AK7: variants seen among roughly 807,000 people sequenced by gnomAD.
AK7 encodes adenylate kinase 7.
Under a neutral mutation model 96.6 loss-of-function variants are expected in AK7, and 78 were observed. The observed-to-expected ratio is 0.81, with a 90% confidence interval of 0.67 to 0.97. AK7 has a LOEUF of 0.97. Among genes scored for constraint, AK7 ranks in the 50% least tolerant of loss-of-function variants. The pLI is 0.00. For synonymous variants in AK7, 302 were observed against 317.2 expected, an observed-to-expected ratio of 0.95 and a Z score of 0.51; for missense variants, 855 against 887.9, an observed-to-expected ratio of 0.96 and a Z score of 0.47.
At chr14:96,442,664 A>G in intron 6 of AK7, 66 bp from the exon 7 acceptor site, 2 of 1,221,040 alleles carry the variant, frequency 1.6e-6, no homozygotes, top group East Asian at 4.6e-5. Flanking sequence ...CTGTAGACTT[A>G]TGTGTGAGCT....
chr14:96,443,170 C>T (rs939367099), intron 7 of AK7, among the ~76,000 whole-genome samples: 3 of 152,158 alleles, frequency 2.0e-5, no homozygotes, highest in East Asian at 1.9e-4. Flanking sequence ...ATGTCTAACC[C>T]GTCAACTTAA....
intron 12 of AK7, among the ~76,000 whole-genome samples, chr14:96,468,798 T>A (rs1227268184): frequency 6.6e-6 from 1 of 152,202 alleles, no homozygotes; most frequent in African/African-American, 2.4e-5. Flanking sequence ...ATGAACATTT[T>A]AAATATTACT....
chr14:96,428,790 G>A (rs1397260030), intron 5 of AK7, among the ~76,000 whole-genome samples: 7 of 150,962 alleles, frequency 4.6e-5, no homozygotes, highest in Admixed American at 6.6e-5. Flanking sequence ...CATATCCTTC[G>A]CCCACTTTTT....
chr14:96,457,196 G>A (rs1036395529), intron 11 of AK7, among the ~76,000 whole-genome samples: 3 of 151,542 alleles, frequency 2.0e-5, no homozygotes, highest in African/African-American at 7.3e-5. Flanking sequence ...AAGTAGCTAG[G>A]ATTACAGGTG....
intron 12 of AK7, among the ~76,000 whole-genome samples, chr14:96,464,833 T>G (rs965972338): frequency 6.6e-6 from 1 of 152,136 alleles, no homozygotes; most frequent in African/African-American, 2.4e-5. Context: ...CCCTCAACCA[T>G]AAATATCTTG....
intron 10 of AK7, among the ~76,000 whole-genome samples, chr14:96,454,753 TCA>T (rs1893800833): frequency 6.6e-6 from 1 of 151,848 alleles, no homozygotes; most frequent in Non-Finnish European, 1.5e-5. Flanking sequence ...ACTATATTGC[TCA>T]GGCTCGCCTC....
intron 5 of AK7, among the ~76,000 whole-genome samples, chr14:96,436,303 A>G (rs1273875712): frequency 1.3e-5 from 2 of 152,092 alleles, no homozygotes; most frequent in African/African-American, 4.8e-5. Context: ...AATATTTGTG[A>G]GGTGAGATCA....
chr14:96,407,429 A>G (rs1183533723), intron 3 of AK7, among the ~76,000 whole-genome samples: 2 of 152,136 alleles, frequency 1.3e-5, no homozygotes, highest in Non-Finnish European at 2.9e-5. Context: ...ATACACTTAG[A>G]TCCAGGATAT....
chr14:96,429,090 G>A (rs1892196423), intron 5 of AK7, among the ~76,000 whole-genome samples: 1 of 152,096 alleles, frequency 6.6e-6, no homozygotes, highest in Non-Finnish European at 1.5e-5. Context: ...GGTTTTTATG[G>A]TTTTAGATTT....
chr14:96,414,579 A>C (rs949398797), intron 4 of AK7, among the ~76,000 whole-genome samples: 15 of 152,256 alleles, frequency 9.9e-5, no homozygotes, highest in South Asian at 2.1e-4. Flanking sequence ...GGAAGGCCAC[A>C]CATAGGAGGC....
intron 2 of AK7, among the ~76,000 whole-genome samples, chr14:96,404,279 C>T (rs1890584783): frequency 6.6e-6 from 1 of 151,702 alleles, no homozygotes; most frequent in Non-Finnish European, 1.5e-5. Context: ...TCCCGGCTGT[C>T]AACTGTAATA....
chr14:96,441,511 T>C (rs1362928597), intron 6 of AK7, among the ~76,000 whole-genome samples: 1 of 151,846 alleles, frequency 6.6e-6, no homozygotes, highest in Non-Finnish European at 1.5e-5. Flanking sequence ...TGGTGGCACA[T>C]GCTTGTGATC....
chr14:96,465,161 A>G (rs997370071), intron 12 of AK7, among the ~76,000 whole-genome samples: 2 of 152,236 alleles, frequency 1.3e-5, no homozygotes, highest in African/African-American at 2.4e-5. Context: ...GAAACACTGT[A>G]TTAAAGACCT....
In AK7 at chr14:96,472,699, A is replaced by T. The variant is rs768590519; in HGVS notation, c.1499A>T (p.Glu500Val). The T allele has an allele frequency of 2.5e-6, 4 of 1,613,030 alleles. No homozygotes were observed. The South Asian group carries it at 4.4e-5, about 18-fold the overall frequency. Residue 500 changes from glutamate (E) to valine (V), a missense_variant, in exon 14 of 18, where the codon GAG becomes GTG. By Grantham distance (121) the Glu-to-Val change is moderately radical (BLOSUM62 -2). Transcript: ENST00000267584. The part of the protein sequence containing the change: ...AKDLFNQEDE[E>V]EEDDVRGRMF... ...TTTGTTTTCTTAGAGGAAGATGAGG[A>T]GGAGGAAGATGATGTCAGAGGCAGA...
At chr14:96,458,048 G>A (rs1894030624) in intron 11 of AK7, 35 bp from the exon 12 acceptor site, 3 of 1,605,760 alleles carry the variant, frequency 1.9e-6, no homozygotes, top group African/African-American at 1.3e-5. Context: ...TGGATGTGGG[G>A]CATCATCCAA....
Position 96,488,402 on chromosome 14 carries a change from T to G in AK7, c.*59T>G. On this transcript the variant is annotated 3_prime_UTR_variant, in exon 18 of 18. Transcript: ENST00000267584. Reference sequence around the variant, plus strand: ...GAACCACAGATCACTTATTATACTTTGAAAAATTGCTTTGAAAAATGCTTT... The same window carrying G: ...GAACCACAGATCACTTATTATACTTGGAAAAATTGCTTTGAAAAATGCTTT... The G allele has an allele frequency of 6.8e-7, 1 of 1,475,656 alleles. No homozygotes were observed. The highest frequency in any genetic ancestry group is 2.2e-5 in the Admixed American group (1 of 46,298). 91.4% of individuals were successfully genotyped at this position (1,475,656 alleles called of 1,614,324 possible).
chr14:96,428,233 A>G (rs547792064), intron 5 of AK7, among the ~76,000 whole-genome samples: 8,145 of 148,044 alleles, frequency 0.055, 893 homozygotes, highest in African/African-American at 0.2. Context: ...CTGTCCTTGC[A>G]ATAGTTTGCT....
intron 6 of AK7, among the ~76,000 whole-genome samples, chr14:96,441,038 C>T (rs906989944): frequency 6.6e-6 from 1 of 151,860 alleles, no homozygotes; most frequent in African/African-American, 2.4e-5. Flanking sequence ...AAGAGGCAAG[C>T]GGGCACATTC....
Sources: gnomAD v4.1 joint callset for allele counts (sites outside exome capture counted in the v4.1 genomes callset) on GRCh38, gnomAD v4.1.1 for gene constraint, MANE v1.5 for transcripts, NCBI Gene and HGNC (gene_info 2026-07-23, HGNC 2026-07-21) for gene names.